The following SEMA5A variants were observed in gnomAD, a reference collection of about 807,000 sequenced individuals.
SEMA5A encodes semaphorin-5A.
Under a neutral mutation model 135.5 loss-of-function variants are expected in SEMA5A, and 55 were observed. The ratio of observed to expected loss-of-function variants is 0.41; its 90% CI spans 0.33 to 0.51. The LOEUF (loss-of-function observed/expected upper bound fraction) is 0.51. Ranked by LOEUF, SEMA5A falls within the 20% of genes least tolerant of loss-of-function variation. SEMA5A has a pLI of 0.37. For missense variants in SEMA5A, 1,290 were observed against 1,419.9 expected (o/e 0.91, Z 1.47); for synonymous variants, 580 against 546.5 (o/e 1.06, Z -0.85).
chr5:9,271,008 T>A (rs1410660501), intron 5 of SEMA5A, among the ~76,000 whole-genome samples: 1 of 152,152 alleles, frequency 6.6e-6, no homozygotes, highest in East Asian at 1.9e-4. Flanking sequence ...GATACGGTTT[T>A]GTTCTCTGTC....
chr5:9,347,378 C>T (rs1210447285), intron 3 of SEMA5A, among the ~76,000 whole-genome samples: 1 of 152,190 alleles, frequency 6.6e-6, no homozygotes, highest in Non-Finnish European at 1.5e-5. Context: ...AAAAGGTCTA[C>T]ACTCTGGATT....
intron 16 of SEMA5A, among the ~76,000 whole-genome samples, chr5:9,102,104 G>C (rs1404444106): frequency 2.6e-5 from 4 of 152,192 alleles, no homozygotes; most frequent in African/African-American, 9.6e-5. Flanking sequence ...GTTCAAAAAT[G>C]AGGAAACACC....
intron 2 of SEMA5A, among the ~76,000 whole-genome samples, chr5:9,422,836 T>C (rs1579515124): frequency 6.6e-6 from 1 of 152,332 alleles, no homozygotes; most frequent in African/African-American, 2.4e-5. Flanking sequence ...ATTCCAAAAA[T>C]AGTGCAAAAA....
intron 5 of SEMA5A, among the ~76,000 whole-genome samples, chr5:9,305,429 G>T (rs1431420310): frequency 6.6e-6 from 1 of 151,582 alleles, no homozygotes; most frequent in Non-Finnish European, 1.5e-5. Flanking sequence ...TATTTAATTT[G>T]GTTCACTCTG....
rs191689991 is a variant in SEMA5A at position 9,426,577 on chromosome 5, G to A, written c.-78+11179C>T. 2.6e-5 allele frequency among the ~76,000 whole-genome samples: 4 copies of A among 152,234 alleles called. No individual in the cohort carries two copies. In the East Asian group the frequency reaches 5.8e-4, roughly 22 times the overall value. ...GCTGCAAACACAGATGACTACCGCAGGCCCGTGGAGGTGACCCAGGATTAG... is the reference window on the plus strand; with the variant it reads ...GCTGCAAACACAGATGACTACCGCAAGCCCGTGGAGGTGACCCAGGATTAG... On this transcript the variant is annotated intron_variant, in intron 2 of 22. Coordinates refer to ENST00000382496, the MANE Select transcript of SEMA5A (RefSeq NM_003966.3).
intron 2 of SEMA5A, among the ~76,000 whole-genome samples, chr5:9,408,401 C>A (rs990493277): frequency 6.6e-6 from 1 of 152,182 alleles, no homozygotes; most frequent in Non-Finnish European, 1.5e-5. Context: ...AAGTCATTAT[C>A]TTGATCTGGG....
At chr5:9,183,456 G>A (rs1175097556) in intron 11 of SEMA5A, among the ~76,000 whole-genome samples, 1 of 152,178 alleles carries the variant, frequency 6.6e-6, no homozygotes, top group East Asian at 1.9e-4. Flanking sequence ...TCCAAGCCCA[G>A]GTGCAGCAAC....
At chr5:9,342,421 C>A (rs1456680590) in intron 3 of SEMA5A, among the ~76,000 whole-genome samples, 1 of 152,166 alleles carries the variant, frequency 6.6e-6, no homozygotes, top group Non-Finnish European at 1.5e-5. Flanking sequence ...ATTCCTCACA[C>A]CTTCAAACTT....
intron 5 of SEMA5A, among the ~76,000 whole-genome samples, chr5:9,240,996 A>T (rs1239927462): frequency 6.6e-6 from 1 of 151,864 alleles, no homozygotes; most frequent in Admixed American, 6.6e-5. Flanking sequence ...GTCTTTTTCT[A>T]TTTCAGGATA....
chr5:9,282,030 C>T (rs7726447), intron 5 of SEMA5A, among the ~76,000 whole-genome samples: 1,555 of 152,076 alleles, frequency 0.01, 21 homozygotes, highest in African/African-American at 0.032. Context: ...CCAGGCTGGT[C>T]TTGAACTCCT....
intron 4 of SEMA5A, among the ~76,000 whole-genome samples, chr5:9,319,497 T>C (rs919468009): frequency 1.3e-5 from 2 of 152,170 alleles, no homozygotes; most frequent in East Asian, 3.9e-4. Context: ...TCTAGTGTTG[T>C]AGGTTTTAGA....
intron 10 of SEMA5A, among the ~76,000 whole-genome samples, chr5:9,195,350 T>A (rs1397548635): frequency 6.6e-6 from 1 of 152,110 alleles, no homozygotes; most frequent in Non-Finnish European, 1.5e-5. Context: ...TATTATTATT[T>A]TTGTAGAGAC....
At chr5:9,400,639 T>C (rs1756619462) in intron 2 of SEMA5A, among the ~76,000 whole-genome samples, 1 of 109,628 alleles carries the variant, frequency 9.1e-6, no homozygotes, top group Non-Finnish European at 1.9e-5. Flanking sequence ...CCCAAGTAGC[T>C]GGGACTACAG....
intron 2 of SEMA5A, among the ~76,000 whole-genome samples, chr5:9,394,188 T>C (rs982814800): frequency 2.6e-5 from 4 of 151,864 alleles, no homozygotes; most frequent in African/African-American, 7.3e-5. Context: ...TGGAATGAGG[T>C]CACCCACAGT....
intron 3 of SEMA5A, among the ~76,000 whole-genome samples, chr5:9,359,166 G>A (rs1427597609): frequency 6.6e-6 from 1 of 152,122 alleles, no homozygotes; most frequent in African/African-American, 2.4e-5. Flanking sequence ...ACCAGCTAGA[G>A]GCTGCAGAAT....
intron 3 of SEMA5A, among the ~76,000 whole-genome samples, chr5:9,338,647 T>G (rs1434124667): frequency 2.0e-5 from 3 of 152,200 alleles, no homozygotes; most frequent in Non-Finnish European, 4.4e-5. Context: ...CCATAACATC[T>G]GATTGTCGTT....
chr5:9,303,915 A>C (rs573023455), intron 5 of SEMA5A, among the ~76,000 whole-genome samples: 1 of 152,326 alleles, frequency 6.6e-6, no homozygotes, highest in African/African-American at 2.4e-5. Context: ...GAAGGGAAAC[A>C]ATGAGCATTT....
intron 13 of SEMA5A, among the ~76,000 whole-genome samples, chr5:9,125,468 A>G (rs759501585): frequency 3.3e-5 from 5 of 152,074 alleles, no homozygotes; most frequent in Non-Finnish European, 7.4e-5. Context: ...TGCATTAGGT[A>G]TTTGTCCTAA....
At chr5:9,141,714 A>G (rs901558890) in intron 12 of SEMA5A, among the ~76,000 whole-genome samples, 12 of 152,216 alleles carry the variant, frequency 7.9e-5, no homozygotes. Flanking sequence ...TTACATTTTA[A>G]AAATTTGCAA....
Sources: gnomAD v4.1 joint callset for allele counts (sites outside exome capture counted in the v4.1 genomes callset) on GRCh38, gnomAD v4.1.1 for gene constraint, MANE v1.5 for transcripts, NCBI Gene and HGNC (gene_info 2026-07-23, HGNC 2026-07-21) for gene names.